COLEC10: variants seen among roughly 807,000 people sequenced by gnomAD.
COLEC10 encodes collectin subfamily member 10.
Under a neutral mutation model 28.4 loss-of-function variants are expected in COLEC10, and 22 were observed. That is an observed-to-expected ratio of 0.78 (90% confidence interval 0.55 to 1.11). The LOEUF (loss-of-function observed/expected upper bound fraction) is 1.11, where lower values mean the gene tolerates loss of function less well. Among genes scored for constraint, COLEC10 ranks in the 50% least tolerant of loss-of-function variants. The pLI is 0.00. For missense variants in COLEC10, 361 were observed against 344.1 expected, an observed-to-expected ratio of 1.05 and a Z score of -0.39; for synonymous variants, 125 against 116.1, an observed-to-expected ratio of 1.08 and a Z score of -0.49.
At position 119,019,658 on chromosome 8, in the gene COLEC10, G is replaced by A. The variant is rs151215460; in HGVS notation, n.235+10105G>A. ...CTGCTCTATACATCCATGACACACC[G>A]CTGAACCTCCCCCACTCCTTACTCT... On this transcript the variant is annotated intron_variant and non_coding_transcript_variant, in intron 2 of 6. Coordinates refer to the COLEC10 transcript ENST00000521788. Among the ~76,000 whole-genome samples the A allele has an allele frequency of 3.9e-5, 6 of 152,088 alleles. No individual in the cohort carries two copies. The East Asian group carries it at 1.2e-3, about 29-fold the overall frequency.
intron 2 of COLEC10, among the ~76,000 whole-genome samples, chr8:119,011,601 T>A (rs79162059): frequency 0.046 from 6,878 of 151,038 alleles, 454 homozygotes; most frequent in East Asian, 0.16. Flanking sequence ...CAATCCATGA[T>A]CATGGAATAT....
intron 2 of COLEC10, among the ~76,000 whole-genome samples, chr8:119,044,504 C>T (rs1480832092): frequency 6.6e-6 from 1 of 151,774 alleles, no homozygotes; most frequent in Non-Finnish European, 1.5e-5. Context: ...TTTTAACAAA[C>T]AAAATGAAAA....
the COLEC10 span, among the ~76,000 whole-genome samples, chr8:118,989,916 G>T: frequency 6.6e-6 from 1 of 152,100 alleles, no homozygotes; most frequent in Non-Finnish European, 1.5e-5. Context: ...AAATGTTTCA[G>T]TGAGCATTTC....
At chr8:119,078,525 G>T (rs1400496820) in intron 1 of COLEC10, among the ~76,000 whole-genome samples, 1 of 152,142 alleles carries the variant, frequency 6.6e-6, no homozygotes, top group Non-Finnish European at 1.5e-5. Flanking sequence ...AAGTAAAATT[G>T]GGAGATTACG....
At chr8:119,013,469 T>C (rs141231314) in intron 2 of COLEC10, among the ~76,000 whole-genome samples, 20 of 150,886 alleles carry the variant, frequency 1.3e-4, no homozygotes, top group Admixed American at 1.2e-3. Context: ...TAGATTTCAA[T>C]TATATTCAGT....
chr8:119,067,768 A>G (rs1383105957), intron 1 of COLEC10: 1 of 197,940 alleles, frequency 5.1e-6, no homozygotes, highest in South Asian at 1.3e-4. Context: ...CCTTAAAAGC[A>G]CCTCTATTAT....
At chr8:118,988,448 C>G in the COLEC10 span, among the ~76,000 whole-genome samples, 1 of 152,104 alleles carries the variant, frequency 6.6e-6, no homozygotes, top group Non-Finnish European at 1.5e-5. Context: ...CCTTCCAACC[C>G]TCTTGTTTCA....
intron 2 of COLEC10, among the ~76,000 whole-genome samples, chr8:119,015,952 T>C (rs933049667): frequency 1.4e-4 from 21 of 152,312 alleles, no homozygotes; most frequent in African/African-American, 5.1e-4. Context: ...TACCAGGTAG[T>C]GATTGAATCC....
At chr8:118,989,574 CA>C in the COLEC10 span, among the ~76,000 whole-genome samples, 20 of 148,810 alleles carry the variant, frequency 1.3e-4, no homozygotes, top group East Asian at 8.1e-4. Context: ...CACACACACA[CA>C]CACCCCTACC....
the COLEC10 span, among the ~76,000 whole-genome samples, chr8:118,969,148 T>C: frequency 6.6e-6 from 1 of 151,996 alleles, no homozygotes; most frequent in Middle Eastern, 3.4e-3. Context: ...TTTGGAGATA[T>C]GGGGTCAAGA....
At chr8:118,957,313 A>G in the COLEC10 span, among the ~76,000 whole-genome samples, 1 of 152,344 alleles carries the variant, frequency 6.6e-6, no homozygotes, top group South Asian at 2.1e-4. Context: ...GTGATAGGTC[A>G]ATTTTAGAGC....
chr8:119,084,434 C>T (rs1187095670), intron 1 of COLEC10, among the ~76,000 whole-genome samples: 1 of 152,166 alleles, frequency 6.6e-6, no homozygotes, highest in Admixed American at 6.5e-5. Context: ...GTTTCTTGAT[C>T]TATCAGTTCT....
At chr8:119,102,486 G>C in intron 4 of COLEC10, 85 bp downstream of exon 4, 1 of 1,180,236 alleles carries the variant, frequency 8.5e-7, no homozygotes, top group South Asian at 1.4e-5. Flanking sequence ...CAAATGAAAA[G>C]CAAGAGTCCT....
At chr8:118,970,637 A>G in the COLEC10 span, among the ~76,000 whole-genome samples, 1 of 150,798 alleles carries the variant, frequency 6.6e-6, no homozygotes, top group Admixed American at 6.6e-5. Context: ...TTTTTTTTTC[A>G]AATGCAAGTG....
intron 3 of COLEC10, among the ~76,000 whole-genome samples, chr8:119,097,899 G>A (rs1305632622): frequency 6.6e-6 from 1 of 151,456 alleles, no homozygotes; most frequent in South Asian, 2.1e-4. Flanking sequence ...TTTTTTAATT[G>A]CAGTGAAACA....
At chr8:118,960,294 T>C in the COLEC10 span, among the ~76,000 whole-genome samples, 1 of 152,162 alleles carries the variant, frequency 6.6e-6, no homozygotes, top group African/African-American at 2.4e-5. Flanking sequence ...ATGGATAATT[T>C]TGAATTCCAG....
chr8:119,045,224 A>T (rs73709540), intron 2 of COLEC10, among the ~76,000 whole-genome samples: 1 of 152,238 alleles, frequency 6.6e-6, no homozygotes, highest in African/African-American at 2.4e-5. Flanking sequence ...AGGTGGGAAC[A>T]AAGAGGGTCC....
upstream of COLEC10, among the ~76,000 whole-genome samples, chr8:119,062,369 G>C (rs1291828062): frequency 3.9e-5 from 6 of 152,050 alleles, no homozygotes; most frequent in African/African-American, 1.4e-4. Flanking sequence ...ATAGGAACAA[G>C]ACTCAAGAGT....
At chr8:119,012,672 T>C (rs1813921245) in intron 2 of COLEC10, among the ~76,000 whole-genome samples, 3 of 150,726 alleles carry the variant, frequency 2.0e-5, no homozygotes, top group African/African-American at 7.4e-5. Flanking sequence ...ATTCAGATTG[T>C]TTATTTCTTC....
Sources: allele counts gnomAD v4.1 joint callset (sites outside exome capture counted in the v4.1 genomes callset), GRCh38; gene constraint gnomAD v4.1.1; transcripts MANE v1.5; gene names NCBI Gene and HGNC (gene_info 2026-07-23, HGNC 2026-07-21).